The following TMEM163 variants were observed in gnomAD, a reference collection of about 807,000 sequenced individuals.
TMEM163 encodes transmembrane protein 163.
TMEM163 carries 17 observed loss-of-function variants against 29.3 expected under a neutral mutation model. The observed-to-expected ratio is 0.58, with a 90% CI of 0.40 to 0.87. The LOEUF (loss-of-function observed/expected upper bound fraction) is 0.87, where lower values mean the gene tolerates loss of function less well. TMEM163 is among the 40% of genes least tolerant of loss of function. The pLI is 0.00. For missense variants in TMEM163, 303 were observed against 381.5 expected (o/e 0.79, Z 1.71); for synonymous variants, 157 against 160.6 (o/e 0.98, Z 0.17).
chr2:134,555,976 A>G (rs1008049159), intron 2 of TMEM163, among the ~76,000 whole-genome samples: 1 of 152,330 alleles, frequency 6.6e-6, no homozygotes, highest in Middle Eastern at 3.4e-3. Flanking sequence ...GCACAATTCA[A>G]TTTGAGCCAA....
chr2:134,567,699 AAATAAT>A (rs1209955519), intron 2 of TMEM163, among the ~76,000 whole-genome samples: 2 of 152,164 alleles, frequency 1.3e-5, no homozygotes, highest in Non-Finnish European at 2.9e-5. Flanking sequence ...CTCAAATAAT[AAATAAT>A]AATAATAAAG....
At chr2:134,682,093 T>C (rs987378086) in intron 2 of TMEM163, among the ~76,000 whole-genome samples, 11 of 152,206 alleles carry the variant, frequency 7.2e-5, no homozygotes, top group African/African-American at 2.7e-4. Context: ...TCATCTGACC[T>C]ACAGAGCACA....
At chr2:134,700,949 A>AATACATAAATACATAAATAC (rs1553495693) in intron 2 of TMEM163, among the ~76,000 whole-genome samples, 2 of 136,770 alleles carry the variant, frequency 1.5e-5, no homozygotes. Context: ...TAAATAAATA[A>AATACATAAATACATAAATAC]AGTAAAAAAT....
intron 4 of TMEM163, among the ~76,000 whole-genome samples, chr2:134,535,267 A>T (rs561540090): frequency 6.6e-6 from 1 of 152,298 alleles, no homozygotes; most frequent in South Asian, 2.1e-4. Flanking sequence ...TTTCTCACTG[A>T]AAACACACAC....
intron 2 of TMEM163, among the ~76,000 whole-genome samples, chr2:134,650,164 C>T (rs1230303027): frequency 6.6e-6 from 1 of 151,908 alleles, no homozygotes; most frequent in Non-Finnish European, 1.5e-5. Flanking sequence ...ATTATATATG[C>T]TTTAGTATGT....
At chr2:134,680,664 C>T (rs1410359756) in intron 2 of TMEM163, among the ~76,000 whole-genome samples, 2 of 152,204 alleles carry the variant, frequency 1.3e-5, no homozygotes, top group Non-Finnish European at 2.9e-5. Context: ...GGCAGTTACC[C>T]ACTCCCTGGC....
chr2:134,663,082 A>C (rs1186606516), intron 2 of TMEM163, among the ~76,000 whole-genome samples: 26 of 152,234 alleles, frequency 1.7e-4, no homozygotes, highest in Admixed American at 1.7e-3. Context: ...ACCCTCTATC[A>C]TAGGCAACCA....
rs1311086744 is a variant in TMEM163 at position 134,580,932 on chromosome 2, A to C, written c.323-28841T>G. Among the ~76,000 whole-genome samples, 10 of 152,184 alleles carry C rather than the reference A, an allele frequency of 6.6e-5. No individual in the cohort carries two copies. In the East Asian group the frequency reaches 1.9e-3, roughly 29 times the overall value. ...TGCCTCAAAAAAAACCAGCCCTAGG[A>C]CAGGAGCAAGATGTGGATGGTGGTT... On this transcript the variant is annotated intron_variant, in intron 2 of 7. Transcript: ENST00000281924.
chr2:134,573,491 G>A (rs1283536038), intron 2 of TMEM163, among the ~76,000 whole-genome samples: 1 of 152,214 alleles, frequency 6.6e-6, no homozygotes, highest in East Asian at 1.9e-4. Flanking sequence ...CTAACAGGTA[G>A]AGGCCAGGAA....
Position 134,718,915 on chromosome 2 carries a change from G to C in TMEM163, c.21C>G (p.Ile7Met). ...TGGGCCCCTGGGAGCTGCGGCGCTGGATGCCCGCGGCCGGCTCCATGGCGC... is the reference window on the plus strand; with the variant it reads ...TGGGCCCCTGGGAGCTGCGGCGCTGCATGCCCGCGGCCGGCTCCATGGCGC... MEPAAG[I>M]QRRSSQGPTV... Residue 7 changes from isoleucine (I) to methionine (M), a missense_variant, in exon 1 of 8, where the codon ATC becomes ATG. By Grantham distance (10) the Ile-to-Met change is conservative. Around this residue, in one of 2 missense-constraint regions of TMEM163, gnomAD observed 100 missense variants for 87.2 expected, o/e 1.15. Transcript: ENST00000281924. The C allele has an allele frequency of 1.3e-5, 14 of 1,066,050 alleles. No individual in the cohort carries two copies. Among genetic ancestry groups the C allele is most frequent in the Non-Finnish European group, 1.5e-5 (13 of 883,822 alleles). 66.0% of individuals were successfully genotyped at this position (1,066,050 alleles called of 1,614,324 possible).
chr2:134,659,781 G>A (rs897770626), intron 2 of TMEM163, among the ~76,000 whole-genome samples: 4 of 151,992 alleles, frequency 2.6e-5, no homozygotes, highest in African/African-American at 9.7e-5. Flanking sequence ...CCATCTCTAC[G>A]AAAAATTTAA....
At chr2:134,588,934 G>C (rs1467523506) in intron 2 of TMEM163, among the ~76,000 whole-genome samples, 1 of 152,078 alleles carries the variant, frequency 6.6e-6, no homozygotes, top group Non-Finnish European at 1.5e-5. Flanking sequence ...AAAGGAGTAG[G>C]GGCTTTCTTT....
chr2:134,566,049 G>A (rs1246147683), intron 2 of TMEM163, among the ~76,000 whole-genome samples: 1 of 152,124 alleles, frequency 6.6e-6, no homozygotes, highest in Non-Finnish European at 1.5e-5. Context: ...ATTAAGCTAT[G>A]GGATTTTCAT....
rs114279861 is a variant in TMEM163, at chr2:134,547,004, G to A, written c.458+3566C>T. Among the ~76,000 whole-genome samples the A allele has an allele frequency of 6.4e-3, 969 of 152,158 alleles. 11 individuals are homozygous for A. The highest frequency in any genetic ancestry group is 0.022 in the African/African-American group (920 of 41,500). On this transcript the variant is annotated intron_variant, in intron 4 of 7. Coordinates refer to ENST00000281924, the MANE Select transcript of TMEM163 (RefSeq NM_030923.5). Reference sequence around the variant, plus strand: ...TAAAGCAGTCAAATTCATAGAAACAGAAAGTACAATGGTGATTGCTAGGGA... The same window carrying A: ...TAAAGCAGTCAAATTCATAGAAACAAAAAGTACAATGGTGATTGCTAGGGA...
intron 5 of TMEM163, among the ~76,000 whole-genome samples, 177 bp downstream of exon 5, chr2:134,502,724 G>A (rs931715954): frequency 2.0e-5 from 3 of 152,112 alleles, no homozygotes; most frequent in African/African-American, 7.2e-5. Flanking sequence ...TCTTCACCTT[G>A]CCCAGTGTTT....
intron 2 of TMEM163, among the ~76,000 whole-genome samples, chr2:134,595,261 C>G (rs1360464170): frequency 6.6e-6 from 1 of 151,992 alleles, no homozygotes; most frequent in Non-Finnish European, 1.5e-5. Context: ...TATCCCTCCC[C>G]ACTCCCCCCA....
intron 2 of TMEM163, among the ~76,000 whole-genome samples, chr2:134,679,908 A>G (rs1429792148): frequency 4.8e-5 from 7 of 144,354 alleles, no homozygotes; most frequent in African/African-American, 1.5e-4. Flanking sequence ...CTCTAACCAC[A>G]CCGGCTTCCC....
chr2:134,590,043 C>A lies in TMEM163; in HGVS notation c.323-37952G>T, dbSNP rs185728597. Among the ~76,000 whole-genome samples the A allele has an allele frequency of 3.3e-5, 5 of 152,232 alleles. No individual in the cohort carries two copies. In the East Asian group the frequency reaches 9.6e-4, roughly 29 times the overall value. ...CTGAGTTTTAATAAATAGACTTGCT[C>A]TTATTCATCAGTCACTCATAAAATT... On this transcript the variant is annotated intron_variant, in intron 2 of 7. Transcript: ENST00000281924.
intron 4 of TMEM163, among the ~76,000 whole-genome samples, chr2:134,524,834 A>G (rs1680258932): frequency 1.3e-5 from 2 of 150,360 alleles, no homozygotes; most frequent in African/African-American, 4.9e-5. Context: ...GAACATATAC[A>G]TGCATGTATG....
Sources: gnomAD v4.1 joint callset for allele counts (sites outside exome capture counted in the v4.1 genomes callset) on GRCh38, gnomAD v4.1.1 for gene constraint, gnomAD v4.1.1 regional missense constraint, MANE v1.5 for transcripts, NCBI Gene and HGNC (gene_info 2026-07-23, HGNC 2026-07-21) for gene names.